The following FSIP1 variants were observed in gnomAD, a reference collection of about 807,000 sequenced individuals.
FSIP1 encodes fibrous sheath-interacting protein 1.
In FSIP1, 65 loss-of-function variants were observed where a neutral mutation model predicts 60.9. That is an observed-to-expected ratio of 1.07 (90% confidence interval 0.87 to 1.31). The LOEUF (loss-of-function observed/expected upper bound fraction) is 1.31, where lower values mean the gene tolerates loss of function less well. Ranked by LOEUF, FSIP1 falls within the 40% of genes most tolerant of loss-of-function variation. FSIP1 has a pLI of 0.00. For missense variants in FSIP1, 675 were observed against 665.5 expected (o/e 1.01, Z -0.16); for synonymous variants, 209 against 221.2 (o/e 0.94, Z 0.49).
intron 10 of FSIP1, among the ~76,000 whole-genome samples, chr15:39,626,278 A>G: frequency 6.6e-6 from 1 of 152,310 alleles, no homozygotes. Context: ...TGTCTCTGGG[A>G]TCTTCAACAT....
At chr15:39,681,064 A>G (rs186064881) in intron 10 of FSIP1, among the ~76,000 whole-genome samples, 2 of 152,302 alleles carry the variant, frequency 1.3e-5, no homozygotes, top group East Asian at 3.9e-4. Flanking sequence ...TCTACAAAGC[A>G]TTCCAAGAAC....
intron 2 of FSIP1, 114 bp from the exon 3 acceptor site, chr15:39,770,724 C>T (rs1346535239): frequency 5.3e-6 from 3 of 568,474 alleles, no homozygotes; most frequent in Non-Finnish European, 8.9e-6. Flanking sequence ...TACATAAATG[C>T]ATACACTAGC....
chr15:39,780,253 G>A (rs1209268724), intron 1 of FSIP1, among the ~76,000 whole-genome samples: 4 of 152,200 alleles, frequency 2.6e-5, no homozygotes, highest in African/African-American at 7.2e-5. Flanking sequence ...GCCAGGCGCG[G>A]TGGCTCACGC....
chr15:39,777,755 C>T (rs552071884), intron 1 of FSIP1, among the ~76,000 whole-genome samples: 1 of 152,314 alleles, frequency 6.6e-6, no homozygotes, highest in African/African-American at 2.4e-5. Flanking sequence ...GGGTGTCTTC[C>T]AACAAATCCT....
At chr15:39,775,248 T>C (rs142487982) in intron 2 of FSIP1, among the ~76,000 whole-genome samples, 67 of 152,010 alleles carry the variant, frequency 4.4e-4, no homozygotes, top group African/African-American at 1.4e-3. Flanking sequence ...TTGTATTCAA[T>C]CCCCTTCTGC....
intron 10 of FSIP1, among the ~76,000 whole-genome samples, chr15:39,638,615 G>C (rs1892228090): frequency 6.6e-6 from 1 of 152,124 alleles, no homozygotes; most frequent in African/African-American, 2.4e-5. Context: ...TTAACATTTG[G>C]ATATATGCAT....
chr15:39,725,735 A>T (rs1896163957), intron 9 of FSIP1, among the ~76,000 whole-genome samples: 1 of 151,996 alleles, frequency 6.6e-6, no homozygotes, highest in Admixed American at 6.6e-5. Context: ...GTACTAAAAT[A>T]TAGGGTTGAG....
At chr15:39,625,685 G>T (rs375220983) in intron 10 of FSIP1, among the ~76,000 whole-genome samples, 1 of 152,094 alleles carries the variant, frequency 6.6e-6, no homozygotes, top group East Asian at 1.9e-4. Context: ...CAAGTCTGGG[G>T]CCCAGCTCTA....
In FSIP1 at chr15:39,693,491, C is replaced by T. The variant is rs117098741; in HGVS notation, c.1188+19953G>A. Among the ~76,000 whole-genome samples, 35 of 152,328 alleles carry T rather than the reference C, an allele frequency of 2.3e-4. 1 individual carries two copies. In the East Asian group the frequency reaches 6.6e-3, roughly 29 times the overall value. On this transcript the variant is annotated intron_variant, in intron 10 of 11. Transcript: ENST00000350221. Reference sequence around the variant, plus strand: ...GTCTCTGCGAAGGAATCAAGCTGAACGCATGGTTGTTGACCTGTCCCTATA... The same window carrying T: ...GTCTCTGCGAAGGAATCAAGCTGAATGCATGGTTGTTGACCTGTCCCTATA...
intron 10 of FSIP1, among the ~76,000 whole-genome samples, chr15:39,674,609 A>G (rs1893865747): frequency 6.6e-6 from 1 of 152,134 alleles, no homozygotes; most frequent in African/African-American, 2.4e-5. Context: ...GCATAACTTT[A>G]ATATATGACA....
Position 39,683,083 on chromosome 15 carries a change from T to C in FSIP1, c.1188+30361A>G, listed in dbSNP as rs1421350051. On this transcript the variant is annotated intron_variant, in intron 10 of 11. Transcript: ENST00000350221. ...GGCATGTTGGTACCAGGTGGGTTCT[T>C]GGAAAACAGGTCAGCAGAAGTTAAC... is the stretch of plus-strand genomic sequence containing the variant. 3.9e-5 allele frequency among the ~76,000 whole-genome samples: 6 copies of C among 152,176 alleles called. No individual in the cohort carries two copies. In the East Asian group the frequency reaches 1.2e-3, roughly 29 times the overall value.
chr15:39,713,512 C>T lies in FSIP1; in HGVS notation c.1120G>A (p.Glu374Lys), dbSNP rs1460588018. 5.0e-6 allele frequency: 8 copies of T among 1,610,860 alleles called. No individual in the cohort carries two copies. Among genetic ancestry groups the T allele is most frequent in the Non-Finnish European group, 6.8e-6 (8 of 1,178,608 alleles). The change falls in exon 10 of 12, where the codon GAG (glutamate) becomes AAG (lysine). Residue 374 changes from glutamate (E) to lysine (K), a missense_variant. By Grantham distance (56) the Glu-to-Lys change is moderately conservative. Coordinates refer to ENST00000350221, the MANE Select transcript of FSIP1 (RefSeq NM_152597.5). Reference protein sequence around the residue: ...PGEKILRNTKEQRDLHNRLRE... With the variant: ...PGEKILRNTKKQRDLHNRLRE... ...AGCCGATTATGCAGATCGCGTTGCT[C>T]TTTGGTGTTCCTAAGTATCTTTTCT...
intron 10 of FSIP1, among the ~76,000 whole-genome samples, chr15:39,649,735 CT>C (rs1380590536): frequency 6.6e-6 from 1 of 152,210 alleles, no homozygotes; most frequent in East Asian, 1.9e-4. Flanking sequence ...AAAGCGTTCC[CT>C]GTCGGATCAA....
intron 10 of FSIP1, among the ~76,000 whole-genome samples, chr15:39,622,869 T>C (rs2140389113): frequency 6.6e-6 from 1 of 152,302 alleles, no homozygotes; most frequent in Admixed American, 6.5e-5. Flanking sequence ...TTCTGTCCAT[T>C]CTATCAGATA....
In FSIP1 at chr15:39,782,776, G is replaced by C. The variant is rs1381314378; in HGVS notation, c.-156C>G. 5 of 152,578 alleles carry C rather than the reference G, an allele frequency of 3.3e-5. 1 individual carries two copies. Among genetic ancestry groups the C allele is most frequent in the Admixed American group, 3.3e-4 (5 of 15,292 alleles). The allele number at this position is 152,578 out of a possible 1,614,324, so 9.5% of individuals were successfully genotyped here. A position where few individuals can be genotyped will look rare whatever the true frequency, so the allele number is the denominator to read the frequency against. ...CACCTCAGCCTCTCTGGTAGTGGAA[G>C]AAGCCGCCGGTCCAGATCCCTCCTG... On this transcript the variant is annotated 5_prime_UTR_variant, in exon 1 of 12. Coordinates refer to ENST00000350221, the MANE Select transcript of FSIP1 (RefSeq NM_152597.5).
chr15:39,746,410 T>G (rs1896995514), intron 5 of FSIP1, among the ~76,000 whole-genome samples: 1 of 152,238 alleles, frequency 6.6e-6, no homozygotes, highest in Non-Finnish European at 1.5e-5. Flanking sequence ...GCTGTCATAC[T>G]TCTTTCTACA....
At chr15:39,609,467 C>A (rs927834702) in intron 11 of FSIP1, among the ~76,000 whole-genome samples, 3 of 152,074 alleles carry the variant, frequency 2.0e-5, no homozygotes, top group Non-Finnish European at 4.4e-5. Flanking sequence ...GCTTGCCAGG[C>A]TAGGAGGCAA....
chr15:39,650,724 G>C (rs187226875), intron 10 of FSIP1, among the ~76,000 whole-genome samples: 2 of 152,166 alleles, frequency 1.3e-5, no homozygotes, highest in African/African-American at 4.8e-5. Flanking sequence ...GCATCTCAGC[G>C]TTGTGATTCT....
chr15:39,702,650 C>T (rs1895106484), intron 10 of FSIP1, among the ~76,000 whole-genome samples: 1 of 150,376 alleles, frequency 6.6e-6, no homozygotes, highest in African/African-American at 2.4e-5. Context: ...TTTATGTATA[C>T]ATTTTTCTTT....
Sources: gnomAD v4.1 joint callset for allele counts (sites outside exome capture counted in the v4.1 genomes callset) on GRCh38, gnomAD v4.1.1 for gene constraint, MANE v1.5 for transcripts, NCBI Gene and HGNC (gene_info 2026-07-23, HGNC 2026-07-21) for gene names.